Variants in TMEM200A observed in about 807,000 individuals in gnomAD.
TMEM200A encodes the protein two transmembrane C.
Under a neutral mutation model 24.3 loss-of-function variants are expected in TMEM200A, and 12 were observed. The observed-to-expected ratio is 0.49, with a 90% CI of 0.32 to 0.80. The LOEUF is 0.80. TMEM200A is among the 30% of genes least tolerant of loss of function. TMEM200A has a pLI of 0.04. For missense variants in TMEM200A, 545 were observed against 614.4 expected (o/e 0.89, Z 1.19); for synonymous variants, 224 against 224.4 (o/e 1.00, Z 0.02).
At chr6:130,414,371 G>T (rs943476018) in intron 2 of TMEM200A, among the ~76,000 whole-genome samples, 7 of 147,958 alleles carry the variant, frequency 4.7e-5, no homozygotes, top group Non-Finnish European at 8.9e-5. Flanking sequence ...GGTGGAGGTT[G>T]CAGTAAGCTG....
intron 2 of TMEM200A, among the ~76,000 whole-genome samples, chr6:130,404,142 G>A (rs1429921239): frequency 6.6e-6 from 1 of 152,220 alleles, no homozygotes; most frequent in East Asian, 1.9e-4. Context: ...CATAATACAT[G>A]TGCAAGTGTC....
At chr6:130,438,771 G>C (rs1473564765) in intron 2 of TMEM200A, 5 of 152,168 alleles carry the variant, frequency 3.3e-5, no homozygotes, top group Non-Finnish European at 5.9e-5. Flanking sequence ...ATAAGTAGAA[G>C]AACTGTGATA....
intron 2 of TMEM200A, among the ~76,000 whole-genome samples, chr6:130,402,874 T>G (rs1272999027): frequency 1.3e-5 from 2 of 152,176 alleles, no homozygotes; most frequent in Non-Finnish European, 2.9e-5. Context: ...CATGAATAAC[T>G]TCTTGTCATT....
intron 2 of TMEM200A, among the ~76,000 whole-genome samples, chr6:130,392,233 G>T (rs1778851349): frequency 6.6e-6 from 1 of 152,142 alleles, no homozygotes; most frequent in South Asian, 2.1e-4. Flanking sequence ...ACTTAATGAG[G>T]TAATGCATAT....
intron 1 of TMEM200A, chr6:130,383,149 T>C: frequency 2.7e-6 from 2 of 749,718 alleles, no homozygotes; most frequent in Non-Finnish European, 3.3e-6. Flanking sequence ...TCATTAGTTG[T>C]CCGTAGCATC....
rs11154577 is a variant in TMEM200A, at chr6:130,412,098, C to CTT, written c.-17+26875_-17+26876dup. 7.2e-3 allele frequency among the ~76,000 whole-genome samples: 945 copies of CTT among 131,656 alleles called. 9 individuals are homozygous for CTT. Among genetic ancestry groups the CTT allele is most frequent in the African/African-American group, 0.022 (809 of 36,674 alleles). The allele number at this position is 131,656 out of a possible 152,430, so 86.4% of individuals were successfully genotyped here. Reference sequence around the variant, plus strand: ...CATCATTTGTTGAACGTTTCCTTGGCTTTTTTTTTTTTTTGGCACTAATCG... The same window carrying CTT: ...CATCATTTGTTGAACGTTTCCTTGGCTTTTTTTTTTTTTTTTGGCACTAATCG... On this transcript the variant is annotated intron_variant, in intron 2 of 2. Coordinates refer to ENST00000296978, the MANE Select transcript of TMEM200A (RefSeq NM_001258277.2).
intron 2 of TMEM200A, among the ~76,000 whole-genome samples, chr6:130,416,325 C>T (rs1372966524): frequency 8.1e-6 from 1 of 123,948 alleles, no homozygotes; most frequent in Non-Finnish European, 1.6e-5. Context: ...TTCTCTCTCT[C>T]TGTCTCTCTC....
intron 2 of TMEM200A, among the ~76,000 whole-genome samples, chr6:130,398,900 A>AT (rs1429766104): frequency 6.6e-6 from 1 of 151,306 alleles, no homozygotes; most frequent in Non-Finnish European, 1.5e-5. Flanking sequence ...CTCATATCTC[A>AT]TTTTTTTCAT....
chr6:130,409,420 T>C (rs995887714), intron 2 of TMEM200A, among the ~76,000 whole-genome samples: 7 of 152,078 alleles, frequency 4.6e-5, no homozygotes, highest in African/African-American at 1.4e-4. Flanking sequence ...ATTGGACCTC[T>C]GGGCCATGCC....
chr6:130,379,105 C>G (rs760948327), intron 1 of TMEM200A, among the ~76,000 whole-genome samples: 2 of 152,228 alleles, frequency 1.3e-5, no homozygotes, highest in Non-Finnish European at 2.9e-5. Flanking sequence ...AATCACTTCT[C>G]AGAGGTTCCA....
intron 2 of TMEM200A, among the ~76,000 whole-genome samples, chr6:130,393,386 A>G (rs1036671038): frequency 2.7e-5 from 4 of 148,998 alleles, no homozygotes; most frequent in African/African-American, 1.0e-4. Flanking sequence ...TTATGGCAAT[A>G]GAAAATGAAG....
At position 130,374,424 on chromosome 6, in the gene TMEM200A, T is replaced by G. The variant is rs139720154; in HGVS notation, c.-81+7900T>G. On this transcript the variant is annotated intron_variant, in intron 1 of 2. Transcript: ENST00000296978. ...TGTTTTTGTTTTTGTTTTTGTTTTT[T>G]TTTTTTCAGACGGAGTCTCGCTCTG... Among the ~76,000 whole-genome samples the G allele has an allele frequency of 4.8e-3, 714 of 148,252 alleles. 5 individuals carry two copies. The highest frequency in any genetic ancestry group is 8.0e-3 in the Admixed American group (119 of 14,854).
At chr6:130,381,453 T>A (rs73611666) in intron 1 of TMEM200A, among the ~76,000 whole-genome samples, 8,910 of 152,266 alleles carry the variant, frequency 0.059, 867 homozygotes, top group African/African-American at 0.2. Flanking sequence ...GGCACTGTTT[T>A]CCTGATGAGA....
chr6:130,441,341 A>G lies in TMEM200A; in HGVS notation c.919A>G (p.Asn307Asp). The part of the protein sequence containing the change: ...NCVIDEPSID[N>D]ITEDADNLKS... ...TGTTATTGATGAGCCCAGTATAGAT[A>G]ACATCACTGAAGATGCTGACAACCT... Residue 307 changes from asparagine to aspartate, a missense_variant, in exon 3 of 3, where the codon AAC (asparagine) becomes GAC (aspartate). Physicochemically the swap from Asn to Asp is conservative, Grantham distance 23. Coordinates refer to ENST00000296978, the MANE Select transcript of TMEM200A (RefSeq NM_001258277.2). 1.2e-6 allele frequency: 2 copies of G among 1,614,158 alleles called. No individual in the cohort carries two copies. Among genetic ancestry groups the G allele is most frequent in the Non-Finnish European group, 1.7e-6 (2 of 1,180,018 alleles).
intron 2 of TMEM200A, among the ~76,000 whole-genome samples, chr6:130,412,406 A>ACTCCTCATCCACCTTGCCC (rs1255537555): frequency 5.3e-5 from 8 of 151,022 alleles, no homozygotes; most frequent in African/African-American, 1.7e-4. Context: ...CTGCATTGCC[A>ACTCCTCATCCACCTTGCCC]CTCCTCATCC....
rs114573167 is a variant in TMEM200A, at chr6:130,373,154, G to A, written c.-81+6630G>A. Among the ~76,000 whole-genome samples, 145 of 152,308 alleles carry A rather than the reference G, an allele frequency of 9.5e-4. 1 individual carries two copies. The highest frequency in any genetic ancestry group is 1.6e-3 in the African/African-American group (65 of 41,568). ...ATCTCAGTACTGTCTCTAAGCTGAG[G>A]TTGGCATAGGAGAGACACAAATTTT... On this transcript the variant is annotated intron_variant, in intron 1 of 2. Transcript: ENST00000296978.
intron 2 of TMEM200A, among the ~76,000 whole-genome samples, chr6:130,422,845 T>C (rs931557400): frequency 2.6e-5 from 4 of 152,214 alleles, no homozygotes; most frequent in Non-Finnish European, 5.9e-5. Context: ...GTTCTTATTA[T>C]ATTTCTGGTA....
At chr6:130,423,741 T>G (rs117706954) in intron 2 of TMEM200A, among the ~76,000 whole-genome samples, 2,777 of 152,156 alleles carry the variant, frequency 0.018, 23 homozygotes, top group Non-Finnish European at 0.027. Flanking sequence ...ACACCAGAAA[T>G]TATGCCTCCA....
chr6:130,409,891 G>A (rs1397270010), intron 2 of TMEM200A, among the ~76,000 whole-genome samples: 3 of 151,164 alleles, frequency 2.0e-5, no homozygotes, highest in South Asian at 2.1e-4. Context: ...AATGAATCAC[G>A]TTCTTGAAGT....
Sources: allele counts gnomAD v4.1 joint callset (sites outside exome capture counted in the v4.1 genomes callset), GRCh38; gene constraint gnomAD v4.1.1; transcripts MANE v1.5; gene names NCBI Gene and HGNC (gene_info 2026-07-23, HGNC 2026-07-21).